RABGAP1L: variants seen among roughly 807,000 people sequenced by gnomAD.
RABGAP1L encodes rab GTPase-activating protein 1-like.
RABGAP1L carries 63 observed loss-of-function variants against 137.7 expected under a neutral mutation model. That is an observed-to-expected ratio of 0.46 (90% CI 0.37 to 0.56). RABGAP1L has a LOEUF of 0.56. RABGAP1L is among the 20% of genes least tolerant of loss of function. RABGAP1L has a pLI of 0.00. For synonymous variants in RABGAP1L, 431 were observed against 433.7 expected (o/e 0.99, Z 0.08); for missense variants, 1,095 against 1,244.0 (o/e 0.88, Z 1.80).
chr1:174,403,362 A>G (rs1360379837), intron 13 of RABGAP1L, among the ~76,000 whole-genome samples: 1 of 151,038 alleles, frequency 6.6e-6, no homozygotes, highest in South Asian at 2.1e-4. Context: ...ATCATAGTGC[A>G]CTGCAGTTCA....
chr1:174,501,177 A>G (rs1020509138), intron 13 of RABGAP1L, among the ~76,000 whole-genome samples: 20 of 148,490 alleles, frequency 1.3e-4, no homozygotes, highest in African/African-American at 5.0e-4. Context: ...GAGACCCTAC[A>G]TTTTCTAAAC....
chr1:174,407,126 C>T (rs1054021728), intron 13 of RABGAP1L, among the ~76,000 whole-genome samples: 2 of 151,972 alleles, frequency 1.3e-5, no homozygotes, highest in South Asian at 4.2e-4. Flanking sequence ...CTATTGATTA[C>T]GGCTGAGGTG....
intron 13 of RABGAP1L, among the ~76,000 whole-genome samples, chr1:174,550,997 C>CATGTATATAT (rs1252681895): frequency 2.2e-5 from 2 of 92,208 alleles, no homozygotes; most frequent in Admixed American, 1.1e-4. Flanking sequence ...TATATATATA[C>CATGTATATAT]ACATATATAT....
intron 1 of RABGAP1L, among the ~76,000 whole-genome samples, chr1:174,161,759 C>T (rs1412545280): frequency 6.7e-6 from 1 of 149,834 alleles, no homozygotes; most frequent in African/African-American, 2.5e-5. Flanking sequence ...GACAAGGTCT[C>T]GCTCTGGCGC....
intron 18 of RABGAP1L, among the ~76,000 whole-genome samples, chr1:174,786,102 G>A (rs1172597816): frequency 1.3e-5 from 2 of 152,182 alleles, no homozygotes; most frequent in African/African-American, 2.4e-5. Flanking sequence ...ATAACTTGTA[G>A]AGGAGGAGTG....
chr1:174,259,878 A>T (rs1673439858), intron 7 of RABGAP1L, among the ~76,000 whole-genome samples: 2 of 149,392 alleles, frequency 1.3e-5, no homozygotes, highest in Admixed American at 1.3e-4. Flanking sequence ...TCTGTCACCC[A>T]GGCTGGAGTG....
At chr1:174,533,763 T>A (rs1664642731) in intron 13 of RABGAP1L, among the ~76,000 whole-genome samples, 1 of 152,090 alleles carries the variant, frequency 6.6e-6, no homozygotes, top group South Asian at 2.1e-4. Flanking sequence ...CTCCGCCTCC[T>A]GAGTTCAAGC....
intron 13 of RABGAP1L, among the ~76,000 whole-genome samples, chr1:174,554,958 C>T (rs1165568552): frequency 1.3e-5 from 2 of 152,112 alleles, no homozygotes. Flanking sequence ...CCAAGGCCAA[C>T]ATGTAAGGAA....
At chr1:174,567,198 C>T (rs1667644660) in intron 13 of RABGAP1L, among the ~76,000 whole-genome samples, 1 of 152,120 alleles carries the variant, frequency 6.6e-6, no homozygotes, top group African/African-American at 2.4e-5. Context: ...TCCCCACAGC[C>T]CCTGGTAACC....
At chr1:174,297,334 A>G (rs1370242773) in intron 10 of RABGAP1L, among the ~76,000 whole-genome samples, 2 of 152,156 alleles carry the variant, frequency 1.3e-5, no homozygotes, top group Non-Finnish European at 2.9e-5. Context: ...GCAGGATTTT[A>G]TTGGGTGAAA....
chr1:174,815,459 A>G lies in RABGAP1L; in HGVS notation c.2340+3499A>G, dbSNP rs866349607. 5.3e-5 allele frequency among the ~76,000 whole-genome samples: 8 copies of G among 152,296 alleles called. No homozygotes were observed. The South Asian group carries it at 1.5e-3, about 28-fold the overall frequency. ...ATCAAGTTTTAAACATTTTTAAATTATTTTCAAAGTTGGTGTTGTATATAG... is the reference window on the plus strand; with the variant it reads ...ATCAAGTTTTAAACATTTTTAAATTGTTTTCAAAGTTGGTGTTGTATATAG... On this transcript the variant is annotated intron_variant, in intron 19 of 25. Transcript: ENST00000681986.
At chr1:174,552,302 G>A (rs1666598601) in intron 13 of RABGAP1L, among the ~76,000 whole-genome samples, 1 of 151,982 alleles carries the variant, frequency 6.6e-6, no homozygotes, top group African/African-American at 2.4e-5. Context: ...TGTCTTTCTT[G>A]ATTATCTCCC....
At chr1:174,387,969 CTA>C (rs1571566803) in intron 12 of RABGAP1L, among the ~76,000 whole-genome samples, 1 of 151,904 alleles carries the variant, frequency 6.6e-6, no homozygotes, top group African/African-American at 2.4e-5. Flanking sequence ...GTATAAACTA[CTA>C]TGTCTTTTAT....
At chr1:174,370,265 T>C (rs1684995954) in intron 11 of RABGAP1L, among the ~76,000 whole-genome samples, 1 of 152,136 alleles carries the variant, frequency 6.6e-6, no homozygotes, top group African/African-American at 2.4e-5. Context: ...ATTGTGTCTA[T>C]TGTTCTTTCT....
intron 14 of RABGAP1L, among the ~76,000 whole-genome samples, chr1:174,640,957 A>G: frequency 7.5e-6 from 1 of 133,138 alleles, no homozygotes; most frequent in South Asian, 2.3e-4. Flanking sequence ...AATATAATAT[A>G]TTATATTTAA....
At chr1:174,558,452 A>G (rs1235840786) in intron 13 of RABGAP1L, among the ~76,000 whole-genome samples, 3 of 152,210 alleles carry the variant, frequency 2.0e-5, no homozygotes, top group African/African-American at 7.2e-5. Flanking sequence ...GTTTGCCAAG[A>G]GTTACCCTAG....
chr1:174,284,214 C>G, intron 10 of RABGAP1L, among the ~76,000 whole-genome samples: 1 of 152,150 alleles, frequency 6.6e-6, no homozygotes, highest in East Asian at 1.9e-4. Context: ...CATCTTATAA[C>G]TGAAAGTTTT....
intron 11 of RABGAP1L, among the ~76,000 whole-genome samples, chr1:174,369,833 A>G (rs1684955641): frequency 6.6e-6 from 1 of 152,166 alleles, no homozygotes; most frequent in Admixed American, 6.5e-5. Flanking sequence ...TTTTGCATTA[A>G]ATGTCCCTTA....
rs886820767 is a variant in RABGAP1L, at chr1:174,348,325, CTG to C, written c.1466-22651_1466-22650del. Among the ~76,000 whole-genome samples the C allele has an allele frequency of 1.2e-4, 17 of 142,134 alleles. 1 individual carries two copies. Among genetic ancestry groups the C allele is most frequent in the Admixed American group, 1.1e-3 (16 of 14,426 alleles). 93.2% of individuals were successfully genotyped at this position (142,134 alleles called of 152,430 possible). A position where few individuals can be genotyped will look rare whatever the true frequency, so the allele number is the denominator to read the frequency against. On this transcript the variant is annotated intron_variant, in intron 11 of 25. Coordinates refer to ENST00000681986, the MANE Select transcript of RABGAP1L (RefSeq NM_001366446.1). Reference sequence around the variant, plus strand: ...TTGCCATTACTTTCAATAGCAAAAACTGTGATTACTTTTGCACCAACCTAGTA... The same window carrying C: ...TTGCCATTACTTTCAATAGCAAAAACTGATTACTTTTGCACCAACCTAGTA...
Sources: gnomAD v4.1 joint callset for allele counts (sites outside exome capture counted in the v4.1 genomes callset) on GRCh38, gnomAD v4.1.1 for gene constraint, MANE v1.5 for transcripts, NCBI Gene and HGNC (gene_info 2026-07-23, HGNC 2026-07-21) for gene names.